Variants in DAB1 observed in about 807,000 individuals in gnomAD.
DAB1 encodes the protein disabled homolog 1.
A neutral mutation model predicts 64.6 loss-of-function variants in DAB1; 15 were observed. That is an observed-to-expected ratio of 0.23 (90% CI 0.16 to 0.36). DAB1 has a LOEUF of 0.36. DAB1 is among the 10% of genes least tolerant of loss of function. DAB1 has a pLI of 1.00. For synonymous variants in DAB1, 235 were observed against 251.9 expected (o/e 0.93, Z 0.64); for missense variants, 596 against 706.7 (o/e 0.84, Z 1.78).
intron 9 of DAB1, among the ~76,000 whole-genome samples, chr1:57,029,651 C>T (rs1370990605): frequency 2.0e-5 from 3 of 152,284 alleles, no homozygotes; most frequent in Non-Finnish European, 2.9e-5. Context: ...CTTGCATCAG[C>T]GTGACCTGGA....
intron 7 of DAB1, among the ~76,000 whole-genome samples, chr1:57,610,249 G>T (rs944884402): frequency 6.6e-6 from 1 of 152,160 alleles, no homozygotes; most frequent in Non-Finnish European, 1.5e-5. Context: ...AGTAAAAGTA[G>T]GTCCCAGTTA....
chr1:57,889,703 T>C (rs949687580), intron 5 of DAB1, among the ~76,000 whole-genome samples: 1 of 151,862 alleles, frequency 6.6e-6, no homozygotes, highest in Non-Finnish European at 1.5e-5. Flanking sequence ...GCCCGGTGAG[T>C]ATGAGGCACT....
intron 7 of DAB1, among the ~76,000 whole-genome samples, chr1:57,496,554 C>G (rs1644232966): frequency 6.6e-6 from 1 of 152,158 alleles, no homozygotes; most frequent in East Asian, 1.9e-4. Flanking sequence ...CCAATCCTGA[C>G]AGGAGGCTCT....
At chr1:58,045,035 A>G (rs4475778) in intron 5 of DAB1, among the ~76,000 whole-genome samples, 55,215 of 152,066 alleles carry the variant, frequency 0.36, 11,066 homozygotes, top group Non-Finnish European at 0.45. Context: ...ATGGGCTTAC[A>G]GATGAAAACA....
chr1:57,333,719 T>A (rs1676863902), intron 1 of DAB1, among the ~76,000 whole-genome samples: 1 of 152,204 alleles, frequency 6.6e-6, no homozygotes. Flanking sequence ...CTGCATAGAG[T>A]TGCTGTGAGG....
intron 9 of DAB1, among the ~76,000 whole-genome samples, chr1:57,061,709 C>G: frequency 6.6e-6 from 1 of 152,198 alleles, no homozygotes; most frequent in South Asian, 2.1e-4. Context: ...TTTATCCAGG[C>G]CAAACATTTC....
chr1:58,038,425 A>AAGGAGAATGGCGT (rs1557621254), intron 5 of DAB1, among the ~76,000 whole-genome samples: 1 of 152,092 alleles, frequency 6.6e-6, no homozygotes, highest in African/African-American at 2.4e-5. Context: ...ACAAACCTGT[A>AAGGAGAATGGCGT]GTACTATCTT....
At chr1:57,829,038 C>T (rs852778) in intron 1 of DAB1, among the ~76,000 whole-genome samples, 1 of 151,824 alleles carries the variant, frequency 6.6e-6, no homozygotes, top group Non-Finnish European at 1.5e-5. Context: ...AGCCTAGTAG[C>T]GCACTCTTTT....
chr1:58,011,845 C>T (rs1185233470), intron 5 of DAB1, among the ~76,000 whole-genome samples: 1 of 152,082 alleles, frequency 6.6e-6, no homozygotes, highest in Non-Finnish European at 1.5e-5. Context: ...CATCTGCCAC[C>T]ATGCCTGGCT....
intron 3 of DAB1, among the ~76,000 whole-genome samples, chr1:58,405,003 C>T (rs975707136): frequency 1.3e-5 from 2 of 152,190 alleles, no homozygotes; most frequent in African/African-American, 4.8e-5. Context: ...TCCTAATCCC[C>T]TGTGGTCAGT....
intron 4 of DAB1, among the ~76,000 whole-genome samples, chr1:57,124,134 G>GT (rs944974567): frequency 6.6e-6 from 1 of 152,112 alleles, no homozygotes; most frequent in Non-Finnish European, 1.5e-5. Context: ...AGGATCAGTG[G>GT]TAAGGAAAAA....
At chr1:58,230,421 G>A (rs1659721226) in intron 4 of DAB1, among the ~76,000 whole-genome samples, 1 of 152,198 alleles carries the variant, frequency 6.6e-6, no homozygotes, top group African/African-American at 2.4e-5. Flanking sequence ...AGAGGAGCAG[G>A]AGGAGTATTT....
intron 6 of DAB1, among the ~76,000 whole-genome samples, chr1:57,809,256 A>T (rs1651507044): frequency 6.6e-6 from 1 of 152,158 alleles, no homozygotes; most frequent in Non-Finnish European, 1.5e-5. Context: ...TCAGAATAAC[A>T]CTTTGTTCAT....
chr1:56,998,551 A>G (rs566044277), intron 14 of DAB1, among the ~76,000 whole-genome samples: 1 of 152,352 alleles, frequency 6.6e-6, no homozygotes, highest in Admixed American at 6.5e-5. Flanking sequence ...CTAGCAATAC[A>G]TCTTCAGAAA....
At chr1:58,366,001 G>C (rs561061129) in intron 3 of DAB1, among the ~76,000 whole-genome samples, 1 of 152,180 alleles carries the variant, frequency 6.6e-6, no homozygotes, top group East Asian at 1.9e-4. Flanking sequence ...ACAAGAAACA[G>C]GCCCTGGCAA....
chr1:57,166,260 C>T (rs112880888), intron 2 of DAB1, among the ~76,000 whole-genome samples: 6 of 151,998 alleles, frequency 3.9e-5, no homozygotes, highest in African/African-American at 1.4e-4. Context: ...ATTTGGCTGC[C>T]AATTAATTCA....
intron 3 of DAB1, among the ~76,000 whole-genome samples, chr1:58,411,124 T>A (rs1470743723): frequency 6.6e-6 from 1 of 152,258 alleles, no homozygotes; most frequent in Non-Finnish European, 1.5e-5. Flanking sequence ...ATCTCATTAC[T>A]CTTTTTTATT....
chr1:57,422,764 G>C (rs913551809), intron 1 of DAB1, among the ~76,000 whole-genome samples: 1 of 152,214 alleles, frequency 6.6e-6, no homozygotes, highest in Admixed American at 6.5e-5. Flanking sequence ...TACACAGTCT[G>C]GCGGGTCTGG....
intron 3 of DAB1, among the ~76,000 whole-genome samples, chr1:58,408,032 A>G (rs1032375282): frequency 1.3e-5 from 2 of 152,102 alleles, no homozygotes; most frequent in Non-Finnish European, 2.9e-5. Context: ...GTGGGTCTCA[A>G]CGTGTACTCC....
Sources: allele counts gnomAD v4.1 joint callset (sites outside exome capture counted in the v4.1 genomes callset), GRCh38; gene constraint gnomAD v4.1.1; transcripts MANE v1.5; gene names NCBI Gene and HGNC (gene_info 2026-07-23, HGNC 2026-07-21).